Variants in CFAP70 observed in about 807,000 individuals in gnomAD.
CFAP70 encodes cilia- and flagella-associated protein 70.
A neutral mutation model predicts 137.6 loss-of-function variants in CFAP70; 81 were observed. The ratio of observed to expected loss-of-function variants is 0.59; its 90% confidence interval spans 0.49 to 0.71. The LOEUF (loss-of-function observed/expected upper bound fraction) is 0.71, where lower values mean the gene tolerates loss of function less well. CFAP70 is among the 30% of genes least tolerant of loss of function. The pLI is 0.00. For synonymous variants in CFAP70, 382 were observed against 423.6 expected (o/e 0.90, Z 1.20); for missense variants, 976 against 1,226.7 (o/e 0.80, Z 3.05).
At chr10:73,274,400 C>A in intron 23 of CFAP70, 33 bp downstream of exon 24, 1 of 1,579,844 alleles carries the variant, frequency 6.3e-7, no homozygotes, top group Non-Finnish European at 8.6e-7. Context: ...AGTTCCCAGA[C>A]CACGGGGTTA....
At position 73,253,946 on chromosome 10, in the gene CFAP70, A is replaced by G. The variant is rs775844085; in HGVS notation, c.*29T>C. ...GGGAAGGAAAGGAACTCAGAGTCCC[A>G]TGCAGAAAATTGTTCAGCTGGAGGG... On this transcript the variant is annotated 3_prime_UTR_variant, in exon 27 of 27. Transcript: ENST00000310715. 16 of 1,569,342 alleles carry G rather than the reference A, an allele frequency of 1.0e-5. No homozygotes were observed. In the East Asian group the frequency reaches 3.4e-4, roughly 33 times the overall value.
chr10:73,314,452 A>G (rs1321709961), intron 9 of CFAP70, among the ~76,000 whole-genome samples: 4 of 152,160 alleles, frequency 2.6e-5, no homozygotes, highest in East Asian at 1.9e-4. Context: ...AAATTTTAAC[A>G]TCTCTGGGGT....
rs1409364323 is a variant in CFAP70 at position 73,274,529 on chromosome 10, C to T, written c.2739G>A (p.Lys913=). ...AGCTAATGGTTCGTTCATAGCATGC[C>T]TTGGCCTCAGAATGATTTCCACTCA... is the stretch of plus-strand genomic sequence containing the variant. The change falls in exon 23 of 27, where the codon AAG becomes AAA. Residue 913 remains lysine, a synonymous_variant. Transcript: ENST00000310715. 2.5e-6 allele frequency: 4 copies of T among 1,614,160 alleles called. No individual in the cohort carries two copies. The Admixed American group carries it at 6.7e-5, about 27-fold the overall frequency.
chr10:73,288,627 T>G (rs2047929115), intron 19 of CFAP70, among the ~76,000 whole-genome samples: 1 of 152,166 alleles, frequency 6.6e-6, no homozygotes, highest in African/African-American at 2.4e-5. Context: ...CCTGACCCCT[T>G]GGTAGGACAG....
At chr10:73,304,803 C>A (rs1413671186) in intron 12 of CFAP70, among the ~76,000 whole-genome samples, 1 of 151,250 alleles carries the variant, frequency 6.6e-6, no homozygotes, top group African/African-American at 2.4e-5. Context: ...GTCAGCAAAA[C>A]GACCGGGCAG....
At chr10:73,256,597 GT>G (rs376048559) in intron 25 of CFAP70, among the ~76,000 whole-genome samples, 181 bp from the exon 27 acceptor site, 6 of 149,350 alleles carry the variant, frequency 4.0e-5, no homozygotes, top group East Asian at 2.0e-4. Flanking sequence ...GGAGAAAAAG[GT>G]TTTTTTTTTA....
Position 73,275,828 on chromosome 10 carries a change from C to G in CFAP70, c.2521-230G>C, listed in dbSNP as rs1004816341. The G allele has an allele frequency of 5.3e-6, 2 of 374,180 alleles. No homozygotes were observed. Among genetic ancestry groups the G allele is most frequent in the Non-Finnish European group, 9.5e-6 (2 of 210,774 alleles). The allele number at this position is 374,180 out of a possible 1,614,324, so 23.2% of individuals were successfully genotyped here. A position where few individuals can be genotyped will look rare whatever the true frequency, so the allele number is the denominator to read the frequency against. ...AAGACATTACCAAGTGAATAACTTGCAATATTGTACAATTCTGGTCTTGCT... is the reference window on the plus strand; with the variant it reads ...AAGACATTACCAAGTGAATAACTTGGAATATTGTACAATTCTGGTCTTGCT... On this transcript the variant is annotated intron_variant, in intron 21 of 26. Transcript: ENST00000310715. This position sits in a 1 kb window ranked among gnomAD's most constrained non-coding sequence, Gnocchi z 4.0.
rs1383622703 is a variant in CFAP70 at position 73,345,058 on chromosome 10, G to C, written c.399+7C>G. On this transcript the variant is annotated splice_region_variant and intron_variant, in intron 5 of 26. Coordinates refer to ENST00000310715, the Ensembl canonical transcript of CFAP70. Reference sequence around the variant, plus strand: ...ATCTCTATAAATATCTGGCAGTAGGGCTTTACCTCTCCAAGTGATGGAACT... The same window carrying C: ...ATCTCTATAAATATCTGGCAGTAGGCCTTTACCTCTCCAAGTGATGGAACT... The C allele has an allele frequency of 1.2e-6, 2 of 1,613,222 alleles. No homozygotes were observed. The highest frequency in any genetic ancestry group is 3.3e-5 in the Admixed American group (2 of 59,986).
At chr10:73,329,378 A>T (rs959826641) in intron 8 of CFAP70, among the ~76,000 whole-genome samples, 1 of 152,162 alleles carries the variant, frequency 6.6e-6, no homozygotes, top group African/African-American at 2.4e-5. Flanking sequence ...ATTAAGAGAT[A>T]TACCTAATGC....
At position 73,316,777 on chromosome 10, in the gene CFAP70, T is replaced by A. The variant is rs569383124; in HGVS notation, c.913-4134A>T. On this transcript the variant is annotated intron_variant, in intron 9 of 26. Transcript: ENST00000310715. ...AAATCTATATGTTAACCCAACAGTATAACTAATACTTTATCCAATCATGTC... is the reference window on the plus strand; with the variant it reads ...AAATCTATATGTTAACCCAACAGTAAAACTAATACTTTATCCAATCATGTC... Among the ~76,000 whole-genome samples the A allele has an allele frequency of 3.3e-5, 5 of 152,160 alleles. No homozygotes were observed. The South Asian group carries it at 6.2e-4, about 19-fold the overall frequency.
intron 23 of CFAP70, among the ~76,000 whole-genome samples, chr10:73,274,034 G>A (rs1319642375): frequency 1.3e-5 from 2 of 152,190 alleles, no homozygotes; most frequent in Non-Finnish European, 2.9e-5. Context: ...CCTATGGAAT[G>A]GGGTTAGCCT....
chr10:73,298,862 G>T, intron 14 of CFAP70, 45 bp downstream of exon 15: 1 of 1,532,122 alleles, frequency 6.5e-7, no homozygotes, highest in Non-Finnish European at 9.0e-7. Flanking sequence ...TGGAGAACTT[G>T]CTCCATAAAC....
chr10:73,335,607 T>C, intron 6 of CFAP70, 83 bp from the exon 8 acceptor site: 1 of 914,748 alleles, frequency 1.1e-6, no homozygotes, highest in Admixed American at 2.4e-5. Flanking sequence ...TTTTAATGGA[T>C]TTGTTCACAA....
intron 9 of CFAP70, among the ~76,000 whole-genome samples, chr10:73,314,796 G>A (rs2132123959): frequency 6.6e-6 from 1 of 151,990 alleles, no homozygotes; most frequent in East Asian, 2.0e-4. Flanking sequence ...TGTAAAGATA[G>A]GGTCTCACCA....
At chr10:73,291,134 C>G in intron 19 of CFAP70, 92 bp downstream of exon 20, 1 of 1,118,242 alleles carries the variant, frequency 8.9e-7, no homozygotes, top group South Asian at 1.4e-5. Context: ...CCCATCTCAG[C>G]CTCCCAGGTT....
At chr10:73,353,702 G>T (rs2054451760) in exon 3 of CFAP70, 1 of 1,614,128 alleles carries the variant, frequency 6.2e-7, no homozygotes, top group Non-Finnish European at 8.5e-7. Flanking sequence ...ATTGAATTCT[G>T]CTCGAATAAA....
intron 25 of CFAP70, among the ~76,000 whole-genome samples, chr10:73,265,308 G>A (rs1422126930): frequency 1.4e-5 from 2 of 147,240 alleles, no homozygotes; most frequent in Non-Finnish European, 3.0e-5. Flanking sequence ...GGGCAACAGA[G>A]AGACTCCATC....
At chr10:73,344,946 A>G (rs1220882407) in intron 5 of CFAP70, 119 bp downstream of exon 6, 2 of 686,474 alleles carry the variant, frequency 2.9e-6, no homozygotes, top group Non-Finnish European at 4.7e-6. Context: ...CAAGCCTAAA[A>G]TAAATCTCAG....
chr10:73,299,697 A>G (rs1202203951), intron 12 of CFAP70, 32 bp from the exon 14 acceptor site: 2 of 1,498,252 alleles, frequency 1.3e-6, no homozygotes, highest in Non-Finnish European at 1.8e-6. Flanking sequence ...ATAAAAAAAC[A>G]AAAAAAAATT....
Sources: gnomAD v4.1 joint callset for allele counts (sites outside exome capture counted in the v4.1 genomes callset) on GRCh38, gnomAD v4.1.1 for gene constraint, Gnocchi (gnomAD v3.1) non-coding constraint, MANE v1.5 for transcripts, NCBI Gene and HGNC (gene_info 2026-07-23, HGNC 2026-07-21) for gene names.